The following POLDIP3 variants were observed in gnomAD, a reference collection of about 807,000 sequenced individuals.
POLDIP3 encodes polymerase delta-interacting protein 3.
A neutral mutation model predicts 45.1 loss-of-function variants in POLDIP3; 14 were observed. The ratio of observed to expected loss-of-function variants is 0.31; its 90% CI spans 0.20 to 0.49. POLDIP3 has a LOEUF of 0.49. Among genes scored for constraint, POLDIP3 ranks in the 20% least tolerant of loss-of-function variants. The pLI is 0.99. For synonymous variants in POLDIP3, 223 were observed against 205.2 expected, an observed-to-expected ratio of 1.09 and a Z score of -0.74; for missense variants, 511 against 538.8, an observed-to-expected ratio of 0.95 and a Z score of 0.51.
chr22:42,596,454 G>A, intron 4 of POLDIP3, 89 bp from the exon 5 acceptor site: 1 of 1,299,748 alleles, frequency 7.7e-7, no homozygotes. Context: ...CTGAGAGCAT[G>A]AACCCTCGAT....
chr22:42,614,636 G>C (rs1471035564), intron 1 of POLDIP3, among the ~76,000 whole-genome samples, 163 bp downstream of exon 1: 2 of 152,106 alleles, frequency 1.3e-5, no homozygotes, highest in Non-Finnish European at 2.9e-5. Context: ...GCGGGCGGTC[G>C]GGGCCACGGC....
chr22:42,583,774 C>T lies in POLDIP3; in HGVS notation c.*2017G>A, dbSNP rs1454875952. 1 of 151,948 alleles carries T rather than the reference C, an allele frequency of 6.6e-6. No individual in the cohort carries two copies. The highest frequency in any genetic ancestry group is 1.5e-5 in the Non-Finnish European group (1 of 67,966). 9.4% of individuals were successfully genotyped at this position (151,948 alleles called of 1,614,324 possible). On this transcript the variant is annotated 3_prime_UTR_variant, in exon 9 of 9. Transcript: ENST00000252115. ...GGATAAGTAATACATAATCACCCTT[C>T]ATCTCTTAATGCCCCTTCCTCTCCT...
chr22:42,602,090 A>G, intron 2 of POLDIP3, 34 bp from the exon 3 acceptor site: 1 of 1,613,944 alleles, frequency 6.2e-7, no homozygotes, highest in Non-Finnish European at 8.5e-7. Context: ...TCCACCCCAC[A>G]GGGTCCACAT....
chr22:42,607,604 G>T (rs936128554), intron 1 of POLDIP3, among the ~76,000 whole-genome samples: 3 of 149,924 alleles, frequency 2.0e-5, no homozygotes, highest in African/African-American at 7.4e-5. Flanking sequence ...CTGCCCGGCC[G>T]TCCAGTCTGG....
chr22:42,600,305 G>GA (rs1281191079), intron 3 of POLDIP3, among the ~76,000 whole-genome samples: 1 of 152,134 alleles, frequency 6.6e-6, no homozygotes, highest in Admixed American at 6.6e-5. Flanking sequence ...GTTACAAAGT[G>GA]AAAAAAGAAT....
intron 3 of POLDIP3, 71 bp from the exon 4 acceptor site, chr22:42,599,864 A>G (rs1926241842): frequency 2.6e-6 from 3 of 1,139,948 alleles, no homozygotes; most frequent in Non-Finnish European, 3.9e-6. Flanking sequence ...TAGAACAGGC[A>G]TGGCAAGGAA....
chr22:42,604,063 G>C (rs964330238), intron 1 of POLDIP3, among the ~76,000 whole-genome samples: 3 of 152,154 alleles, frequency 2.0e-5, no homozygotes, highest in Non-Finnish European at 4.4e-5. Flanking sequence ...TAGCGCTGGA[G>C]ATCCTCCCCA....
rs1569298316 is a variant in POLDIP3, at chr22:42,595,606, G to A, written c.822C>T (p.Leu274=). 1.2e-6 allele frequency: 2 copies of A among 1,613,882 alleles called. No individual in the cohort carries two copies. The highest frequency in any genetic ancestry group is 1.1e-5 in the South Asian group (1 of 91,066). Residue 274 remains leucine, a synonymous_variant, in exon 6 of 9, where the codon CTC becomes CTT. Transcript: ENST00000252115. ...TCATCTTGGTGCCTTCCAATGGGCT[G>A]AGAACAGGCTGCCACACAGACAAGA... The part of the protein sequence containing the change: ...PKELPAAEPV[L]SPLEGTKMTV...
At chr22:42,609,606 A>G (rs1926993789) in intron 1 of POLDIP3, among the ~76,000 whole-genome samples, 1 of 152,202 alleles carries the variant, frequency 6.6e-6, no homozygotes, top group South Asian at 2.1e-4. Flanking sequence ...ATTATTATAA[A>G]GCAGATTTTA....
intron 2 of POLDIP3, 50 bp downstream of exon 2, chr22:42,602,720 T>C (rs1424850647): frequency 1.9e-6 from 3 of 1,541,334 alleles, no homozygotes; most frequent in Non-Finnish European, 2.6e-6. Flanking sequence ...CCTCTAAATC[T>C]ACCTTTGTTA....
intron 7 of POLDIP3, among the ~76,000 whole-genome samples, 193 bp downstream of exon 7, chr22:42,591,762 T>C (rs1755949252): frequency 6.6e-6 from 1 of 152,220 alleles, no homozygotes. Flanking sequence ...GCTTAAGGGC[T>C]GGGTGAAAAT....
intron 6 of POLDIP3, among the ~76,000 whole-genome samples, chr22:42,592,818 G>A (rs1027412114): frequency 2.0e-5 from 3 of 152,192 alleles, no homozygotes; most frequent in Non-Finnish European, 4.4e-5. Context: ...AGACGACTAA[G>A]GCCAGAGAGG....
chr22:42,607,380 C>T (rs974441381), intron 1 of POLDIP3, among the ~76,000 whole-genome samples: 3 of 152,242 alleles, frequency 2.0e-5, no homozygotes, highest in Non-Finnish European at 4.4e-5. Flanking sequence ...CCCGAGGTGC[C>T]GGGATTGCAG....
chr22:42,596,048 C>CT, intron 5 of POLDIP3, 138 bp downstream of exon 5: 1 of 916,944 alleles, frequency 1.1e-6, no homozygotes, highest in Non-Finnish European at 1.7e-6. Context: ...GTAAGAGTCC[C>CT]TAGGTCTTGG....
chr22:42,603,761 A>G (rs534142452), intron 1 of POLDIP3: 1 of 152,448 alleles, frequency 6.6e-6, no homozygotes, highest in East Asian at 1.9e-4. Context: ...ACTTGGTAGG[A>G]AAGAAAGAAA....
chr22:42,605,110 G>T (rs1219816792), intron 1 of POLDIP3, among the ~76,000 whole-genome samples: 2 of 152,134 alleles, frequency 1.3e-5, no homozygotes, highest in African/African-American at 4.8e-5. Context: ...CTGTGACAAG[G>T]AAGTTTCTTT....
At chr22:42,596,631 A>G (rs554773043) in intron 4 of POLDIP3, among the ~76,000 whole-genome samples, 1 of 152,320 alleles carries the variant, frequency 6.6e-6, no homozygotes, top group East Asian at 1.9e-4. Flanking sequence ...GGAAGCTTCC[A>G]TACAGCCCTG....
intron 1 of POLDIP3, among the ~76,000 whole-genome samples, chr22:42,611,765 T>C (rs1338346833): frequency 6.6e-6 from 1 of 152,068 alleles, no homozygotes; most frequent in Non-Finnish European, 1.5e-5. Flanking sequence ...TGGTCCCAGC[T>C]ACTTGGGAGG....
intron 3 of POLDIP3, among the ~76,000 whole-genome samples, chr22:42,600,625 CAA>C (rs531768394): frequency 2.5e-5 from 3 of 122,114 alleles, no homozygotes; most frequent in Admixed American, 1.7e-4. Context: ...GACTCGGTCT[CAA>C]AAAAAAAAAA....
Sources: gnomAD v4.1 joint callset for allele counts (sites outside exome capture counted in the v4.1 genomes callset) on GRCh38, gnomAD v4.1.1 for gene constraint, MANE v1.5 for transcripts, NCBI Gene and HGNC (gene_info 2026-07-23, HGNC 2026-07-21) for gene names.